Variants in ETV7 observed in about 807,000 individuals in gnomAD.
The protein encoded by ETV7 is transcription factor ETV7.
ETV7 carries 43 observed loss-of-function variants against 39.1 expected under a neutral mutation model. The ratio of observed to expected loss-of-function variants is 1.10; its 90% CI spans 0.86 to 1.42. The LOEUF is 1.42. Among genes scored for constraint, ETV7 ranks in the 40% most tolerant of loss-of-function variants. The pLI, the probability that ETV7 is intolerant of heterozygous loss-of-function variation, is 0.00. For synonymous variants in ETV7, 196 were observed against 176.6 expected, an observed-to-expected ratio of 1.11 and a Z score of -0.87; for missense variants, 432 against 442.3, an observed-to-expected ratio of 0.98 and a Z score of 0.21.
At chr6:36,362,324 G>A (rs1053941241), downstream of ETV7, among the ~76,000 whole-genome samples, 2 of 151,906 alleles carry the variant, frequency 1.3e-5, no homozygotes, top group Admixed American at 6.6e-5. Context: ...ATTAGCTGGT[G>A]TGGTGGCGGG....
At chr6:36,382,895 G>A (rs1051919309) in intron 2 of ETV7, among the ~76,000 whole-genome samples, 1 of 152,154 alleles carries the variant, frequency 6.6e-6, no homozygotes, top group Admixed American at 6.5e-5. Flanking sequence ...AAGAAGAGAC[G>A]CAGGACCGAG....
chr6:36,387,578 T>C lies in ETV7; in HGVS notation c.-37A>G, dbSNP rs1773978766. 1.2e-6 allele frequency: 2 copies of C among 1,613,588 alleles called. No individual in the cohort carries two copies. Among genetic ancestry groups the C allele is most frequent in the Non-Finnish European group, 8.5e-7 (1 of 1,179,852 alleles). On this transcript the variant is annotated 5_prime_UTR_variant, in exon 1 of 8. Transcript: ENST00000340181. ...GTGAGGAAGCCACCGGCTTTCTGTC[T>C]TGAGCGCTCCCCTGGCTGTGGCTGC...
At chr6:36,378,050 T>C (rs1271425292) in intron 2 of ETV7, among the ~76,000 whole-genome samples, 2 of 152,164 alleles carry the variant, frequency 1.3e-5, no homozygotes, top group Admixed American at 1.3e-4. Context: ...GACAAAGCCA[T>C]GTAACTAAGA....
intron 7 of ETV7, among the ~76,000 whole-genome samples, chr6:36,355,586 A>AT (rs1772317199): frequency 6.6e-6 from 1 of 152,034 alleles, no homozygotes; most frequent in Admixed American, 6.6e-5. Context: ...TAACTTTTGT[A>AT]TTTTTTGGTA....
chr6:36,356,341 A>C (rs1772341505), intron 7 of ETV7, among the ~76,000 whole-genome samples: 3 of 142,746 alleles, frequency 2.1e-5, no homozygotes, highest in African/African-American at 5.7e-5. Flanking sequence ...AAAAAAAAAC[A>C]AAAAAAAACA....
downstream of ETV7, among the ~76,000 whole-genome samples, chr6:36,364,529 G>A (rs375264085): frequency 3.9e-3 from 588 of 152,354 alleles, 3 homozygotes; most frequent in African/African-American, 0.013. Flanking sequence ...CTCCGAGTGC[G>A]GGACCCGCCA....
Position 36,387,063 on chromosome 6 carries a change from G to C in ETV7, c.6+473C>G, listed in dbSNP as rs1445658285. 5 of 255,842 alleles carry C rather than the reference G, an allele frequency of 2.0e-5. No individual in the cohort carries two copies. The East Asian group carries it at 6.2e-4, about 32-fold the overall frequency. 15.8% of individuals were successfully genotyped at this position (255,842 alleles called of 1,614,324 possible). A position where few individuals can be genotyped will look rare whatever the true frequency, so the allele number is the denominator to read the frequency against. On this transcript the variant is annotated intron_variant, in intron 1 of 7. Transcript: ENST00000340181. ...TGATAATGGGTATGGGTCCTGGCGAGAGGGGAGTGGAGAAAGGCCTTGGAG... is the reference window on the plus strand; with the variant it reads ...TGATAATGGGTATGGGTCCTGGCGACAGGGGAGTGGAGAAAGGCCTTGGAG...
At chr6:36,358,048 C>T (rs893899858) in intron 7 of ETV7, among the ~76,000 whole-genome samples, 1 of 152,184 alleles carries the variant, frequency 6.6e-6, no homozygotes, top group African/African-American at 2.4e-5. Flanking sequence ...TCCCTCCCCA[C>T]CCATGAACCA....
At chr6:36,377,467 AT>A (rs1275359866) in intron 2 of ETV7, among the ~76,000 whole-genome samples, 12 of 152,204 alleles carry the variant, frequency 7.9e-5, no homozygotes, top group Admixed American at 7.9e-4. Flanking sequence ...TATCAAAAAA[AT>A]ACATAAATTT....
At chr6:36,366,837 T>A in intron 7 of ETV7, 38 bp downstream of exon 7, 3 of 1,613,216 alleles carry the variant, frequency 1.9e-6, no homozygotes, top group Non-Finnish European at 2.5e-6. Flanking sequence ...CAACCCCAGT[T>A]CTGCTTCCCC....
downstream of ETV7, among the ~76,000 whole-genome samples, chr6:36,364,394 C>G (rs919545262): frequency 8.5e-5 from 13 of 152,248 alleles, no homozygotes; most frequent in Admixed American, 7.2e-4. Context: ...GCAGCTAAGG[C>G]CCGGTGAGAA....
At chr6:36,360,296 C>T (rs1444109546) in intron 7 of ETV7, among the ~76,000 whole-genome samples, 4 of 151,934 alleles carry the variant, frequency 2.6e-5, no homozygotes, top group Admixed American at 1.3e-4. Flanking sequence ...TCATCTAGGC[C>T]CCTGCTGACA....
chr6:36,385,263 C>T (rs1773838805), intron 2 of ETV7, among the ~76,000 whole-genome samples: 2 of 152,082 alleles, frequency 1.3e-5, no homozygotes, highest in South Asian at 4.2e-4. Context: ...ATAGCTTGAG[C>T]CCAAGAGTTC....
intron 2 of ETV7, among the ~76,000 whole-genome samples, chr6:36,384,799 G>A (rs1430891178): frequency 6.6e-6 from 1 of 152,116 alleles, no homozygotes; most frequent in Non-Finnish European, 1.5e-5. Context: ...TGAGGCAGGA[G>A]AATCGCTTGA....
At chr6:36,363,306 G>T (rs1054243192), downstream of ETV7, among the ~76,000 whole-genome samples, 3 of 152,248 alleles carry the variant, frequency 2.0e-5, no homozygotes, top group South Asian at 4.1e-4. Flanking sequence ...CGCTGGCTCA[G>T]GAGTGAAGCT....
chr6:36,369,065 C>T lies in ETV7; in HGVS notation c.671G>A (p.Arg224His), dbSNP rs777105415. Residue 224 changes from arginine (R) to histidine (H), a missense_variant, in exon 6 of 8, where the codon CGC becomes CAC. Coordinates refer to ENST00000340181, the MANE Select transcript of ETV7 (RefSeq NM_016135.4). ...CTGATACACGTAATCCCACAGCAGGCGGCAGTCTGCAATTTAGCACAGGGA... is the reference window on the plus strand; with the variant it reads ...CTGATACACGTAATCCCACAGCAGGTGGCAGTCTGCAATTTAGCACAGGGA... ...APIDGRIADC[R>H]LLWDYVYQLL... 3.1e-6 allele frequency: 5 copies of T among 1,614,102 alleles called. No individual in the cohort carries two copies. Among genetic ancestry groups the T allele is most frequent in the South Asian group, 1.1e-5 (1 of 91,080 alleles).
downstream of ETV7, among the ~76,000 whole-genome samples, chr6:36,364,366 G>A (rs192311858): frequency 0.026 from 3,917 of 152,358 alleles, 169 homozygotes; most frequent in East Asian, 0.18. Context: ...CAGGTCCCCA[G>A]CCCTGCCCCG....
intron 2 of ETV7, among the ~76,000 whole-genome samples, chr6:36,378,878 C>T (rs775505341): frequency 2.0e-5 from 3 of 152,198 alleles, no homozygotes; most frequent in African/African-American, 2.4e-5. Flanking sequence ...CCCTGTGGCA[C>T]AGCAAATCCA....
Position 36,375,808 on chromosome 6 carries a change from T to C in ETV7, c.307+63A>G, listed in dbSNP as rs756917231. 10 of 1,609,848 alleles carry C rather than the reference T, an allele frequency of 6.2e-6. No homozygotes were observed. In the Admixed American group the frequency reaches 1.7e-4, roughly 27 times the overall value. On this transcript the variant is annotated intron_variant, in intron 3 of 7. Coordinates refer to ENST00000340181, the MANE Select transcript of ETV7 (RefSeq NM_016135.4). ...TCTCCCTCCCTGGGCCCCCCGGGGG[T>C]ACTTGGGCCATCCTGGCCTACCAGG...
Sources: allele counts gnomAD v4.1 joint callset (sites outside exome capture counted in the v4.1 genomes callset), GRCh38; gene constraint gnomAD v4.1.1; transcripts MANE v1.5; gene names NCBI Gene and HGNC (gene_info 2026-07-23, HGNC 2026-07-21).